The following CPT1A variants were observed in gnomAD, a reference collection of about 807,000 sequenced individuals.
CPT1A encodes the protein carnitine O-palmitoyltransferase 1, liver isoform.
CPT1A carries 64 observed loss-of-function variants against 100.8 expected under a neutral mutation model. The observed-to-expected ratio is 0.63, with a 90% CI of 0.52 to 0.78. The LOEUF (loss-of-function observed/expected upper bound fraction) is 0.78. Ranked by LOEUF, CPT1A falls within the 30% of genes least tolerant of loss-of-function variation. The pLI is 0.00. For synonymous variants in CPT1A, 363 were observed against 396.0 expected, an observed-to-expected ratio of 0.92 and a Z score of 0.99; for missense variants, 802 against 1,034.1, an observed-to-expected ratio of 0.78 and a Z score of 3.08.
intron 2 of CPT1A, among the ~76,000 whole-genome samples, chr11:68,814,601 C>T (rs539425072): frequency 2.2e-4 from 34 of 152,324 alleles, no homozygotes; most frequent in African/African-American, 7.9e-4. Flanking sequence ...AGCCACTGCA[C>T]CCGGACCTTA....
intron 6 of CPT1A, 103 bp downstream of exon 6, chr11:68,799,115 G>C: frequency 9.5e-7 from 1 of 1,050,060 alleles, no homozygotes; most frequent in South Asian, 1.3e-5. Flanking sequence ...GTGTGATTTT[G>C]GCTAATCCAA....
intron 17 of CPT1A, 135 bp from the exon 18 acceptor site, chr11:68,759,796 G>A: frequency 1.4e-6 from 1 of 730,970 alleles, no homozygotes; most frequent in Non-Finnish European, 2.5e-6. Flanking sequence ...GGGAGGCTGA[G>A]GCAGGCGGGT....
At position 68,761,576 on chromosome 11, in the gene CPT1A, C is replaced by T. The variant is rs746455686; in HGVS notation, c.1987G>A (p.Val663Met). ...IDRHLFCLYV[V>M]SKYLAVESPF... The stretch of plus-strand genomic sequence containing the variant: ...GACTCCACAGCGAGATATTTAGACA[C>T]CACGTAAAGGCAGAAGAGGTGACGA... Residue 663 changes from valine (V) to methionine (M), a missense_variant, in exon 16 of 19, where the codon GTG becomes ATG. By Grantham distance (21) the Val-to-Met change is conservative. Transcript: ENST00000265641. The T allele has an allele frequency of 6.2e-7, 1 of 1,614,032 alleles. No individual in the cohort carries two copies. Among genetic ancestry groups the T allele is most frequent in the Admixed American group, 1.7e-5 (1 of 60,000 alleles).
chr11:68,776,421 G>A (rs900894657), intron 12 of CPT1A, among the ~76,000 whole-genome samples: 1 of 151,856 alleles, frequency 6.6e-6, no homozygotes, highest in Non-Finnish European at 1.5e-5. Flanking sequence ...AAAAGAAAGC[G>A]AAAGAAAAGA....
In CPT1A at chr11:68,835,049, G is replaced by A. The variant is rs143492443; in HGVS notation, c.-14+6726C>T. The stretch of plus-strand genomic sequence containing the variant: ...AAATTTAGACCTTATAGTGCACCAC[G>A]TCAATAAGTAATGGTTAGATAAATA... On this transcript the variant is annotated intron_variant, in intron 1 of 18. Coordinates refer to ENST00000265641, the MANE Select transcript of CPT1A (RefSeq NM_001876.4). Among the ~76,000 whole-genome samples, 212 of 151,546 alleles carry A rather than the reference G, an allele frequency of 1.4e-3. 1 individual carries two copies. Among genetic ancestry groups the A allele is most frequent in the African/African-American group, 4.7e-3 (196 of 41,320 alleles).
intron 1 of CPT1A, among the ~76,000 whole-genome samples, chr11:68,839,002 G>GA (rs879406241): frequency 1.1e-4 from 16 of 152,218 alleles, no homozygotes; most frequent in Non-Finnish European, 1.8e-4. Context: ...GTGTTGGAGA[G>GA]ATTCTCGAGA....
chr11:68,799,110 A>T, intron 6 of CPT1A, 108 bp downstream of exon 6: 1 of 1,010,706 alleles, frequency 9.9e-7, no homozygotes, highest in Non-Finnish European at 1.5e-6. Flanking sequence ...CTAGGGTGTG[A>T]TTTTGGCTAA....
chr11:68,838,904 A>G (rs1320959450), intron 1 of CPT1A, among the ~76,000 whole-genome samples: 1 of 152,192 alleles, frequency 6.6e-6, no homozygotes, highest in Non-Finnish European at 1.5e-5. Flanking sequence ...GTATGCTTAT[A>G]TCGCTTATTT....
rs547344230 is a variant in CPT1A at position 68,836,909 on chromosome 11, C to G, written c.-14+4866G>C. On this transcript the variant is annotated intron_variant, in intron 1 of 18. Coordinates refer to ENST00000265641, the MANE Select transcript of CPT1A (RefSeq NM_001876.4). ...GAAATAAAGAAAAAGGAAAGCAAAC[C>G]TCCATGTATTAAATCTTTTTCAGGG... Among the ~76,000 whole-genome samples, 9 of 151,964 alleles carry G rather than the reference C, an allele frequency of 5.9e-5. No individual in the cohort carries two copies. The South Asian group carries it at 1.9e-3, about 32-fold the overall frequency.
chr11:68,824,196 T>C (rs1357550956), intron 1 of CPT1A, among the ~76,000 whole-genome samples: 2 of 141,016 alleles, frequency 1.4e-5, no homozygotes, highest in South Asian at 2.2e-4. Context: ...TGCAGTGAGC[T>C]GAGATCGGGC....
intron 14 of CPT1A, among the ~76,000 whole-genome samples, chr11:68,770,960 A>C (rs1414097888): frequency 6.6e-6 from 1 of 152,198 alleles, no homozygotes; most frequent in African/African-American, 2.4e-5. Context: ...CCGAGTGTGG[A>C]GGGCAGAGAT....
intron 7 of CPT1A, among the ~76,000 whole-genome samples, chr11:68,795,562 G>GA (rs35099183): frequency 3.3e-5 from 5 of 150,808 alleles, no homozygotes; most frequent in African/African-American, 9.7e-5. Flanking sequence ...TTTCAGATGG[G>GA]AAAAAAAAAG....
At position 68,829,109 on chromosome 11, in the gene CPT1A, C is replaced by A. The variant is rs563259676; in HGVS notation, c.-14+12666G>T. On this transcript the variant is annotated intron_variant, in intron 1 of 18. Transcript: ENST00000265641. ...TCCCCAGGGTTTCTCTTACTGAGAA[C>A]GCCGGCACCTGCCCTGCCTGGGAAG... Among the ~76,000 whole-genome samples the A allele has an allele frequency of 3.0e-3, 451 of 152,294 alleles. 2 individuals are homozygous for A. The highest frequency in any genetic ancestry group is 0.01 in the African/African-American group (431 of 41,560).
intron 1 of CPT1A, among the ~76,000 whole-genome samples, chr11:68,820,899 A>C (rs991630398): frequency 6.6e-6 from 1 of 152,026 alleles, no homozygotes. Context: ...TCTGAGGGGG[A>C]CTAGTTGCAG....
Position 68,781,828 on chromosome 11 carries a change from G to A in CPT1A, c.1295C>T (p.Pro432Leu), listed in dbSNP as rs765661287. ...ETEEGYRSED[P>L]DTSMDSYAKS... ...GGCGTAGCTGTCCATTGACGTATCC[G>A]GGTCTTCACTTCTGTATCCTTCTTC... is the stretch of plus-strand genomic sequence containing the variant. The change falls in exon 11 of 19, where the codon CCG becomes CTG. Residue 432 changes from proline to leucine, a missense_variant. Coordinates refer to ENST00000265641, the MANE Select transcript of CPT1A (RefSeq NM_001876.4). The A allele has an allele frequency of 8.7e-6, 14 of 1,613,972 alleles. No homozygotes were observed. In the East Asian group the frequency reaches 8.9e-5, roughly 10 times the overall value.
At chr11:68,779,618 A>G (rs575867449) in intron 12 of CPT1A, among the ~76,000 whole-genome samples, 1 of 151,650 alleles carries the variant, frequency 6.6e-6, no homozygotes, top group South Asian at 2.1e-4. Flanking sequence ...CAACATGGGG[A>G]AACCTTGTTT....
chr11:68,765,929 T>A (rs1272183922), intron 14 of CPT1A, among the ~76,000 whole-genome samples: 1 of 151,392 alleles, frequency 6.6e-6, no homozygotes, highest in Non-Finnish European at 1.5e-5. Context: ...TGGAGTGCAG[T>A]GGTGTGATCT....
intron 12 of CPT1A, among the ~76,000 whole-genome samples, chr11:68,776,256 A>G (rs1420664770): frequency 6.6e-6 from 1 of 152,156 alleles, no homozygotes; most frequent in East Asian, 1.9e-4. Context: ...AAAATTAGCC[A>G]GGTGTGGTGG....
chr11:68,817,756 G>T (rs1388529994), intron 1 of CPT1A, among the ~76,000 whole-genome samples: 1 of 149,320 alleles, frequency 6.7e-6, no homozygotes, highest in African/African-American at 2.5e-5. Context: ...CTGTTGGGGG[G>T]GGGTCAGTGG....
Sources: allele counts gnomAD v4.1 joint callset (sites outside exome capture counted in the v4.1 genomes callset), GRCh38; gene constraint gnomAD v4.1.1; transcripts MANE v1.5; gene names NCBI Gene and HGNC (gene_info 2026-07-23, HGNC 2026-07-21).